Variants in ARHGEF10 observed in about 807,000 individuals in gnomAD.
The protein encoded by ARHGEF10 is Rho guanine nucleotide exchange factor (GEF) 10.
In ARHGEF10, 140 loss-of-function variants were observed where a neutral mutation model predicts 147.4. That is an observed-to-expected ratio of 0.95 (90% CI 0.83 to 1.09). ARHGEF10 has a LOEUF of 1.09. Among genes scored for constraint, ARHGEF10 ranks in the 50% least tolerant of loss-of-function variants. ARHGEF10 has a pLI of 0.00. For synonymous variants in ARHGEF10, 902 were observed against 695.8 expected (o/e 1.30, Z -4.67); for missense variants, 2,222 against 1,752.7 (o/e 1.27, Z -4.78).
chr8:1,918,175 C>T (rs1394331494), intron 18 of ARHGEF10, among the ~76,000 whole-genome samples: 1 of 152,182 alleles, frequency 6.6e-6, no homozygotes, highest in Non-Finnish European at 1.5e-5. Flanking sequence ...AAAGCACTGG[C>T]CGCACTGTGT....
At chr8:1,899,733 GT>G (rs1810302953) in intron 15 of ARHGEF10, among the ~76,000 whole-genome samples, 2 of 152,180 alleles carry the variant, frequency 1.3e-5, no homozygotes, top group Admixed American at 1.3e-4. Context: ...TTCAAAGTGT[GT>G]TTTATTTCTT....
rs570376523 is a variant in ARHGEF10, at chr8:1,911,776, C to G, written c.2143+2306C>G. ...TGACGTCCCTTCACTCTGCTCATCTCAGCTCACTCCTTACCGTTTATGCTG... is the reference window on the plus strand; with the variant it reads ...TGACGTCCCTTCACTCTGCTCATCTGAGCTCACTCCTTACCGTTTATGCTG... On this transcript the variant is annotated intron_variant, in intron 18 of 28. Transcript: ENST00000349830. Among the ~76,000 whole-genome samples the G allele has an allele frequency of 5.9e-5, 9 of 152,314 alleles. 1 individual carries two copies. In the South Asian group the frequency reaches 1.9e-3, roughly 32 times the overall value.
intron 26 of ARHGEF10, 54 bp from the exon 27 acceptor site, chr8:1,945,427 C>A (rs1475712122): frequency 5.8e-6 from 9 of 1,548,620 alleles, no homozygotes; most frequent in Admixed American, 2.0e-5. Context: ...ACCCAACAGG[C>A]CCCACTCAGA....
At chr8:1,871,112 C>CCAAA (rs1554485003) in intron 7 of ARHGEF10, 2 of 78,976 alleles carry the variant, frequency 2.5e-5, no homozygotes, top group African/African-American at 9.3e-5. Context: ...AACTCTGTGT[C>CCAAA]AAAAAAAAAA....
At chr8:1,942,483 G>A (rs982439583) in intron 26 of ARHGEF10, among the ~76,000 whole-genome samples, 3 of 151,926 alleles carry the variant, frequency 2.0e-5, no homozygotes, top group Non-Finnish European at 2.9e-5. Flanking sequence ...ACGTGAGGAT[G>A]CTGGGAGACT....
At chr8:1,912,236 C>T (rs1042448006) in intron 18 of ARHGEF10, among the ~76,000 whole-genome samples, 6 of 151,768 alleles carry the variant, frequency 4.0e-5, no homozygotes, top group East Asian at 1.9e-4. Context: ...CCCGCAGAAG[C>T]GCCATGTGGA....
chr8:1,893,527 A>C, intron 11 of ARHGEF10, 42 bp from the exon 12 acceptor site: 3 of 1,312,960 alleles, frequency 2.3e-6, no homozygotes, highest in Non-Finnish European at 3.3e-6. Flanking sequence ...TGTGTGTATT[A>C]TAAAGCAGTT....
chr8:1,929,929 G>A (rs950531257), intron 25 of ARHGEF10, among the ~76,000 whole-genome samples: 3 of 152,184 alleles, frequency 2.0e-5, no homozygotes, highest in East Asian at 1.9e-4. Flanking sequence ...GCCCTCCCTG[G>A]CCCATCCCGC....
At chr8:1,845,202 A>G (rs1223917219) in intron 2 of ARHGEF10, among the ~76,000 whole-genome samples, 1 of 152,202 alleles carries the variant, frequency 6.6e-6, no homozygotes, top group African/African-American at 2.4e-5. Flanking sequence ...TTCCTATCAA[A>G]TGAGATGATG....
intron 10 of ARHGEF10, 76 bp from the exon 11 acceptor site, chr8:1,885,525 T>A (rs1450242078): frequency 3.9e-6 from 3 of 769,800 alleles, no homozygotes; most frequent in Non-Finnish European, 5.8e-6. Flanking sequence ...TTTATTTGAC[T>A]TTTTTTTACT....
chr8:1,841,990 GGGCCGCGGCGGGAA>G (rs1804113399), intron 1 of ARHGEF10, among the ~76,000 whole-genome samples: 1 of 72,820 alleles, frequency 1.4e-5, no homozygotes, highest in East Asian at 4.0e-4. Flanking sequence ...GCGGGAACTG[GGGCCGCGGCGGGAA>G]CTGGGGCCGC....
At chr8:1,910,731 A>G (rs916353269) in intron 18 of ARHGEF10, among the ~76,000 whole-genome samples, 1 of 152,166 alleles carries the variant, frequency 6.6e-6, no homozygotes, top group African/African-American at 2.4e-5. Flanking sequence ...CTTTTAAATT[A>G]TTTGGAAACA....
intron 1 of ARHGEF10, among the ~76,000 whole-genome samples, chr8:1,832,988 ACAGAGG>A (rs1803301954): frequency 2.1e-5 from 2 of 95,000 alleles, no homozygotes; most frequent in Non-Finnish European, 4.5e-5. Flanking sequence ...AGAGACAGAG[ACAGAGG>A]CAGAGACAGG....
intron 26 of ARHGEF10, among the ~76,000 whole-genome samples, chr8:1,940,686 C>T (rs1482890315): frequency 3.9e-5 from 6 of 152,156 alleles, no homozygotes; most frequent in African/African-American, 1.2e-4. Context: ...AACCACAGAC[C>T]GGTATCCACT....
At chr8:1,900,090 A>T (rs1302991196) in intron 15 of ARHGEF10, among the ~76,000 whole-genome samples, 1 of 152,252 alleles carries the variant, frequency 6.6e-6, no homozygotes, top group Non-Finnish European at 1.5e-5. Context: ...TACTTTCTAA[A>T]TTTTTTAAAT....
At chr8:1,857,593 T>C (rs1805647690) in intron 2 of ARHGEF10, among the ~76,000 whole-genome samples, 1 of 151,974 alleles carries the variant, frequency 6.6e-6, no homozygotes, top group Non-Finnish European at 1.5e-5. Flanking sequence ...CTAATTTTTT[T>C]ATTTTTAGTA....
chr8:1,885,589 T>G lies in ARHGEF10; in HGVS notation c.1076-12T>G. The G allele has an allele frequency of 6.8e-7, 1 of 1,474,200 alleles. No homozygotes were observed. Among genetic ancestry groups the G allele is most frequent in the Non-Finnish European group, 9.4e-7 (1 of 1,059,724 alleles). The allele number at this position is 1,474,200 out of a possible 1,614,324, so 91.3% of individuals were successfully genotyped here. On this transcript the variant is annotated splice_polypyrimidine_tract_variant and intron_variant, in intron 10 of 28. Coordinates refer to ENST00000349830, the MANE Select transcript of ARHGEF10 (RefSeq NM_014629.4). ...GAATGTAAAATTCATGCATTTTGAC[T>G]TTTTTTTTAAGATCACAGATCTTCT...
rs1320896206 is a variant in ARHGEF10 at position 1,952,768 on chromosome 8, G to C, written c.3461G>C (p.Ser1154Thr). The C allele has an allele frequency of 1.9e-6, 3 of 1,613,578 alleles. No homozygotes were observed. The highest frequency in any genetic ancestry group is 2.5e-6 in the Non-Finnish European group (3 of 1,180,046). ...VCHGLLMVGT[S>T]LGVLVALPVP... ...CACGGATTGCTGATGGTCGGCACCA[G>C]CCTGGGAGTCCTCGTGGCCCTGCCG... Residue 1154 changes from serine (S) to threonine (T), a missense_variant, in exon 28 of 29, where the codon AGC becomes ACC. Physicochemically the swap from Ser to Thr is moderately conservative, Grantham distance 58 (BLOSUM62 1). Transcript: ENST00000349830.
At position 1,888,846 on chromosome 8, in the gene ARHGEF10, A is replaced by AG. The variant is rs141683059; in HGVS notation, c.1182+3141dup. Among the ~76,000 whole-genome samples the AG allele has an allele frequency of 6.5e-4, 48 of 74,128 alleles. 4 individuals carry two copies. Among genetic ancestry groups the AG allele is most frequent in the African/African-American group, 3.0e-3 (35 of 11,570 alleles). 48.6% of individuals were successfully genotyped at this position (74,128 alleles called of 152,430 possible). ...TTATGAGGAGACACTGAATAGGGTG[A>AG]GGTTTGTGAGGAGACACTGAGTGGG... is the stretch of plus-strand genomic sequence containing the variant. On this transcript the variant is annotated intron_variant, in intron 11 of 28. Coordinates refer to ENST00000349830, the MANE Select transcript of ARHGEF10 (RefSeq NM_014629.4).
Sources: allele counts gnomAD v4.1 joint callset (sites outside exome capture counted in the v4.1 genomes callset), GRCh38; gene constraint gnomAD v4.1.1; transcripts MANE v1.5; gene names NCBI Gene and HGNC (gene_info 2026-07-23, HGNC 2026-07-21).